Variants in SDHAF2 observed in about 807,000 individuals in gnomAD.
The protein encoded by SDHAF2 is succinate dehydrogenase assembly factor 2, mitochondrial.
A neutral mutation model predicts 18.5 loss-of-function variants in SDHAF2; 21 were observed. The observed-to-expected ratio is 1.13, with a 90% confidence interval of 0.80 to 1.63. The LOEUF (loss-of-function observed/expected upper bound fraction) is 1.63, where lower values mean the gene tolerates loss of function less well. Among genes scored for constraint, SDHAF2 ranks in the 40% most tolerant of loss-of-function variants. The pLI, the probability that SDHAF2 is intolerant of heterozygous loss-of-function variation, is 0.00. For missense variants in SDHAF2, 195 were observed against 200.3 expected (o/e 0.97, Z 0.16); for synonymous variants, 84 against 70.7 (o/e 1.19, Z -0.94).
rs893579137 is a variant in SDHAF2 at position 61,446,637 on chromosome 11, A to C, written c.*566A>C. The C allele has an allele frequency of 4.9e-6, 2 of 411,826 alleles. No individual in the cohort carries two copies. The highest frequency in any genetic ancestry group is 8.6e-6 in the Non-Finnish European group (2 of 232,732). The allele number at this position is 411,826 out of a possible 1,614,324, so 25.5% of individuals were successfully genotyped here. On this transcript the variant is annotated 3_prime_UTR_variant, in exon 4 of 4. Coordinates refer to ENST00000301761, the MANE Select transcript of SDHAF2 (RefSeq NM_017841.4). ...CCACAGGCAGGAGTGGTGTGGGCAC[A>C]CTGCTTAGGAGTCAACATCTTCATC...
Position 61,446,548 on chromosome 11 carries a change from G to C in SDHAF2, c.*477G>C. The C allele has an allele frequency of 2.2e-6, 1 of 465,018 alleles. No homozygotes were observed. The highest frequency in any genetic ancestry group is 5.8e-5 in the South Asian group (1 of 17,148). 28.8% of individuals were successfully genotyped at this position (465,018 alleles called of 1,614,324 possible). ...TCCAACCTGGTATGGCTCCTTCTGC[G>C]AAGGGAAGCTGATCCCAGCCTCCTG... On this transcript the variant is annotated 3_prime_UTR_variant, in exon 4 of 4. Transcript: ENST00000301761.
At position 61,443,901 on chromosome 11, in the gene SDHAF2, G is replaced by A. The variant is rs572032117; in HGVS notation, c.371-2040G>A. Among the ~76,000 whole-genome samples the A allele has an allele frequency of 2.0e-5, 3 of 152,258 alleles. No homozygotes were observed. In the South Asian group the frequency reaches 6.2e-4, roughly 32 times the overall value. On this transcript the variant is annotated intron_variant, in intron 3 of 3. Coordinates refer to ENST00000301761, the MANE Select transcript of SDHAF2 (RefSeq NM_017841.4). ...CCATTCTGCTGCCTCAGCATCCCGAGTAGCTGGGACTACAGGCGCCCGCCA... is the reference window on the plus strand; with the variant it reads ...CCATTCTGCTGCCTCAGCATCCCGAATAGCTGGGACTACAGGCGCCCGCCA...
chr11:61,434,591 C>CTATTTTTTTTTTTTTTTTTTT (rs1861971075), intron 1 of SDHAF2: 1 of 119,000 alleles, frequency 8.4e-6, no homozygotes, highest in African/African-American at 3.8e-5. Context: ...CTTCTCATTC[C>CTATTTTTTTTTTTTTTTTTTT]TTTTTTTTTT....
chr11:61,431,531 A>G (rs1662919917), intron 1 of SDHAF2: 1 of 152,142 alleles, frequency 6.6e-6, no homozygotes, highest in African/African-American at 2.4e-5. Flanking sequence ...TTGATTGTTC[A>G]AGAGTGTGTT....
At chr11:61,434,590 C>A (rs1234656485) in intron 1 of SDHAF2, 1 of 121,972 alleles carries the variant, frequency 8.2e-6, no homozygotes, top group African/African-American at 5.2e-5. Flanking sequence ...CCTTCTCATT[C>A]CTTTTTTTTT....
chr11:61,442,592 G>T (rs757515116), intron 3 of SDHAF2, among the ~76,000 whole-genome samples: 21 of 151,882 alleles, frequency 1.4e-4, no homozygotes, highest in Non-Finnish European at 2.9e-4. Context: ...GGTTCTCTGG[G>T]CATCTTGGAT....
At chr11:61,443,122 G>A (rs1862090658) in intron 3 of SDHAF2, among the ~76,000 whole-genome samples, 3 of 152,070 alleles carry the variant, frequency 2.0e-5, no homozygotes, top group Admixed American at 2.0e-4. Context: ...CATCAGTTTG[G>A]GTTATTTGTA....
intron 3 of SDHAF2, among the ~76,000 whole-genome samples, chr11:61,441,454 G>A (rs1476568288): frequency 6.6e-6 from 1 of 151,264 alleles, no homozygotes; most frequent in Non-Finnish European, 1.5e-5. Context: ...CAGGGAGTCG[G>A]AGGTTGCAGT....
intron 3 of SDHAF2, among the ~76,000 whole-genome samples, chr11:61,438,536 A>C (rs1326867937): frequency 6.6e-6 from 1 of 152,192 alleles, no homozygotes; most frequent in Non-Finnish European, 1.5e-5. Flanking sequence ...TAGACACTCA[A>C]CCCAAACACT....
intron 1 of SDHAF2, chr11:61,430,531 A>C (rs1369353437): frequency 2.4e-6 from 1 of 417,268 alleles, no homozygotes; most frequent in East Asian, 4.0e-5. Context: ...TAGTATCTTC[A>C]GCTTTTTGTT....
In SDHAF2 at chr11:61,446,215, T is replaced by C; in HGVS notation, c.*144T>C. 2 of 863,310 alleles carry C rather than the reference T, an allele frequency of 2.3e-6. No individual in the cohort carries two copies. The highest frequency in any genetic ancestry group is 4.9e-5 in the East Asian group (2 of 40,862). The allele number at this position is 863,310 out of a possible 1,614,324, so 53.5% of individuals were successfully genotyped here. A position where few individuals can be genotyped will look rare whatever the true frequency, so the allele number is the denominator to read the frequency against. On this transcript the variant is annotated 3_prime_UTR_variant, in exon 4 of 4. Coordinates refer to ENST00000301761, the MANE Select transcript of SDHAF2 (RefSeq NM_017841.4). ...CTGCCTCAAGTGATGGACATAACCC[T>C]CTCCTAGGACATACATGTAAATGCA... is the stretch of plus-strand genomic sequence containing the variant.
At chr11:61,440,870 A>G (rs1412730289) in intron 3 of SDHAF2, among the ~76,000 whole-genome samples, 1 of 152,154 alleles carries the variant, frequency 6.6e-6, no homozygotes, top group Non-Finnish European at 1.5e-5. Context: ...TTCACCAGTT[A>G]TGAAATATAC....
At position 61,445,957 on chromosome 11, in the gene SDHAF2, A is replaced by G. The variant is rs770383127; in HGVS notation, c.387A>G (p.Pro129=). Residue 129 remains proline, a synonymous_variant, in exon 4 of 4, where the codon CCA becomes CCG. Transcript: ENST00000301761. ...CTCTTGCAGAAGCTAAACCAGCCCCAGAAATATTTGAAAATGAAGTCATGG... is the reference window on the plus strand; with the variant it reads ...CTCTTGCAGAAGCTAAACCAGCCCCGGAAATATTTGAAAATGAAGTCATGG... ...YYWATEAKPA[P]EIFENEVMAL... is the part of the protein sequence containing the mutation. 1.8e-5 allele frequency: 29 copies of G among 1,614,216 alleles called. No individual in the cohort carries two copies. Among genetic ancestry groups the G allele is most frequent in the Non-Finnish European group, 2.5e-5 (29 of 1,180,040 alleles).
At chr11:61,432,757 C>T (rs1861948226) in intron 1 of SDHAF2, 2 of 151,918 alleles carry the variant, frequency 1.3e-5, no homozygotes, top group East Asian at 1.9e-4. Context: ...GTGTCTTACA[C>T]AGGTATTTCT....
intron 1 of SDHAF2, chr11:61,436,849 C>T: frequency 7.8e-7 from 1 of 1,282,666 alleles, no homozygotes; most frequent in Non-Finnish European, 1.0e-6. Flanking sequence ...TCACCTCTTG[C>T]TGAGGTCACC....
At chr11:61,441,101 T>C (rs1862060239) in intron 3 of SDHAF2, among the ~76,000 whole-genome samples, 1 of 152,004 alleles carries the variant, frequency 6.6e-6, no homozygotes, top group East Asian at 1.9e-4. Context: ...GGAGGATCAC[T>C]TGAGCCCAGG....
Position 61,437,841 on chromosome 11 carries a change from C to T in SDHAF2, c.253C>T (p.Leu85Phe). ...GAGGGGAATGTTGGAAAACTGCATT[C>T]TTCTTAGGTATGGGACTAGGAGTCT... is the stretch of plus-strand genomic sequence containing the variant. ...RKRGMLENCI[L>F]LSLFAKEHLQ... The change falls in exon 2 of 4, where the codon CTT becomes TTT. Residue 85 changes from leucine (L) to phenylalanine (F), a missense_variant. Coordinates refer to ENST00000301761, the MANE Select transcript of SDHAF2 (RefSeq NM_017841.4). The T allele has an allele frequency of 1.2e-6, 2 of 1,613,310 alleles. No individual in the cohort carries two copies. The highest frequency in any genetic ancestry group is 1.7e-6 in the Non-Finnish European group (2 of 1,179,750).
At chr11:61,442,305 G>A (rs1009037917) in intron 3 of SDHAF2, among the ~76,000 whole-genome samples, 10 of 152,128 alleles carry the variant, frequency 6.6e-5, no homozygotes, top group African/African-American at 1.4e-4. Context: ...GTACAAGATC[G>A]GGTAGTCAGG....
chr11:61,444,783 A>G (rs1422706127), intron 3 of SDHAF2, among the ~76,000 whole-genome samples: 2 of 151,960 alleles, frequency 1.3e-5, no homozygotes, highest in South Asian at 2.1e-4. Flanking sequence ...CCTTTTACCC[A>G]TTTGTATGAT....
Sources: gnomAD v4.1 joint callset for allele counts (sites outside exome capture counted in the v4.1 genomes callset) on GRCh38, gnomAD v4.1.1 for gene constraint, MANE v1.5 for transcripts, NCBI Gene and HGNC (gene_info 2026-07-23, HGNC 2026-07-21) for gene names.